Variants in CUL3 observed in about 807,000 individuals in gnomAD.
The protein encoded by CUL3 is cullin-3.
In CUL3, 19 loss-of-function variants were observed where a neutral mutation model predicts 89.1. The observed-to-expected ratio is 0.21, with a 90% confidence interval of 0.15 to 0.31. The LOEUF (loss-of-function observed/expected upper bound fraction) is 0.31, where lower values mean the gene tolerates loss of function less well. Ranked by LOEUF, CUL3 falls within the 10% of genes least tolerant of loss-of-function variation. The probability of loss-of-function intolerance (pLI) is 1.00; values close to 1 mark genes in which losing one functional copy is unlikely to be tolerated. For missense variants in CUL3, 469 were observed against 942.3 expected (o/e 0.50, Z 6.58); for synonymous variants, 351 against 308.4 (o/e 1.14, Z -1.45).
intron 6 of CUL3, among the ~76,000 whole-genome samples, chr2:224,510,682 G>A (rs1245419769): frequency 6.6e-6 from 1 of 152,086 alleles, no homozygotes; most frequent in Non-Finnish European, 1.5e-5. Context: ...TAGAGGATAT[G>A]GTTATTGTTC....
chr2:224,553,975 C>T (rs1270839919), intron 2 of CUL3, among the ~76,000 whole-genome samples: 2 of 152,162 alleles, frequency 1.3e-5, no homozygotes, highest in Admixed American at 6.5e-5. Context: ...TGACTGCTCA[C>T]GTAACTTCAA....
At chr2:224,487,684 T>A (rs1431898745) in intron 13 of CUL3, among the ~76,000 whole-genome samples, 1 of 152,138 alleles carries the variant, frequency 6.6e-6, no homozygotes, top group Non-Finnish European at 1.5e-5. Flanking sequence ...ACTGTCAATA[T>A]TAGACAGATC....
In CUL3 at chr2:224,472,391, A is replaced by G. The variant is rs1374648818; in HGVS notation, c.*1854T>C. The G allele has an allele frequency of 4.8e-6, 1 of 207,316 alleles. No homozygotes were observed. The highest frequency in any genetic ancestry group is 7.4e-5 in the East Asian group (1 of 13,486). The allele number at this position is 207,316 out of a possible 1,614,324, so 12.8% of individuals were successfully genotyped here. A position where few individuals can be genotyped will look rare whatever the true frequency, so the allele number is the denominator to read the frequency against. ...GAGCTGTCCTGTTTTCCCAGGTGTT[A>G]AATATCATTTAACTGGGAAATGAAA... is the stretch of plus-strand genomic sequence containing the variant. On this transcript the variant is annotated 3_prime_UTR_variant, in exon 16 of 16. Coordinates refer to ENST00000264414, the MANE Select transcript of CUL3 (RefSeq NM_003590.5).
chr2:224,509,237 A>G (rs1218885026), intron 6 of CUL3, among the ~76,000 whole-genome samples: 1 of 152,070 alleles, frequency 6.6e-6, no homozygotes, highest in Non-Finnish European at 1.5e-5. Context: ...TTCTTAAGAC[A>G]GGATCTCCCT....
At chr2:224,570,174 T>C (rs577098564) in intron 1 of CUL3, among the ~76,000 whole-genome samples, 2 of 152,254 alleles carry the variant, frequency 1.3e-5, no homozygotes, top group South Asian at 2.1e-4. Flanking sequence ...TACAGTCCAT[T>C]TGCAGTTAAT....
chr2:224,578,564 T>C (rs1204597693), intron 1 of CUL3, among the ~76,000 whole-genome samples: 1 of 152,140 alleles, frequency 6.6e-6, no homozygotes, highest in Non-Finnish European at 1.5e-5. Context: ...CTAAAATAAA[T>C]TCATTGCTTT....
At chr2:224,574,613 T>C (rs1024577520) in intron 1 of CUL3, among the ~76,000 whole-genome samples, 5 of 152,222 alleles carry the variant, frequency 3.3e-5, no homozygotes, top group Non-Finnish European at 5.9e-5. Flanking sequence ...TAACACTTCC[T>C]AGGCCTCCTG....
At chr2:224,541,401 C>T (rs1448282432) in intron 2 of CUL3, among the ~76,000 whole-genome samples, 1 of 152,082 alleles carries the variant, frequency 6.6e-6, no homozygotes, top group African/African-American at 2.4e-5. Flanking sequence ...CCCTACACAC[C>T]CATCAGAATG....
intron 3 of CUL3, among the ~76,000 whole-genome samples, chr2:224,530,249 A>C (rs1693645861): frequency 6.6e-6 from 1 of 152,122 alleles, no homozygotes; most frequent in Non-Finnish European, 1.5e-5. Context: ...AAAAAAACAA[A>C]ACAAAACAAA....
At chr2:224,578,870 T>C (rs567522650) in intron 1 of CUL3, among the ~76,000 whole-genome samples, 1 of 152,162 alleles carries the variant, frequency 6.6e-6, no homozygotes, top group Non-Finnish European at 1.5e-5. Flanking sequence ...AAAAAAGGCA[T>C]ACCACTTTTT....
intron 10 of CUL3, 103 bp downstream of exon 10, chr2:224,502,862 T>C (rs1329226752): frequency 1.3e-6 from 1 of 758,660 alleles, no homozygotes; most frequent in East Asian, 2.5e-5. Flanking sequence ...TTGTCACTAA[T>C]GACATTTAAA....
chr2:224,530,032 A>C (rs1693632858), intron 3 of CUL3, among the ~76,000 whole-genome samples: 1 of 152,064 alleles, frequency 6.6e-6, no homozygotes, highest in South Asian at 2.1e-4. Context: ...AGGTCAGGAG[A>C]TCGAGACCAT....
chr2:224,526,777 A>ACAAGGACAGC lies in CUL3; in HGVS notation c.378+8750_378+8751insGCTGTCCTTG, dbSNP rs1320664481. 4.0e-5 allele frequency among the ~76,000 whole-genome samples: 6 copies of ACAAGGACAGC among 151,482 alleles called. No individual in the cohort carries two copies. The East Asian group carries it at 9.7e-4, about 24-fold the overall frequency. ...TTCACAAGGCACAGCGATCAAGTTTATCATTCTCCAACCTGGGCGACAGAG... is the reference window on the plus strand; with the variant it reads ...TTCACAAGGCACAGCGATCAAGTTTACAAGGACAGCTCATTCTCCAACCTGGGCGACAGAG... On this transcript the variant is annotated intron_variant, in intron 3 of 15. Transcript: ENST00000264414.
chr2:224,504,528 T>G (rs1037714592), intron 8 of CUL3, among the ~76,000 whole-genome samples: 3 of 152,176 alleles, frequency 2.0e-5, no homozygotes, highest in Non-Finnish European at 4.4e-5. Flanking sequence ...AGGCTGGTCT[T>G]GAACTCCCAA....
At chr2:224,535,445 C>T (rs1693860572) in intron 3 of CUL3, 83 bp downstream of exon 3, 3 of 885,710 alleles carry the variant, frequency 3.4e-6, no homozygotes, top group Admixed American at 2.7e-5. Context: ...GCTGGGATTA[C>T]AGGCGTGAGC....
Position 224,495,947 on chromosome 2 carries a change from C to A in CUL3, c.1727G>T (p.Gly576Val), listed in dbSNP as rs1692154316. ...PVKKEDGSEV[G>V]VGGAQVTGSN... ...GCCAGTTACTTGTGCACCTCCAACA[C>A]CAACTTCAGATCCATCTTCCTGTTT... Residue 576 changes from glycine (G) to valine (V), a missense_variant, in exon 13 of 16, where the codon GGT (glycine) becomes GTT (valine). Coordinates refer to ENST00000264414, the MANE Select transcript of CUL3 (RefSeq NM_003590.5). The A allele has an allele frequency of 6.2e-7, 1 of 1,611,898 alleles. No individual in the cohort carries two copies. The highest frequency in any genetic ancestry group is 8.5e-7 in the Non-Finnish European group (1 of 1,179,478).
At position 224,503,010 on chromosome 2, in the gene CUL3, T is replaced by C; in HGVS notation, c.1440A>G (p.Ser480=). 6.2e-7 allele frequency: 1 copy of C among 1,612,690 alleles called. No individual in the cohort carries two copies. Among genetic ancestry groups the C allele is most frequent in the Non-Finnish European group, 8.5e-7 (1 of 1,178,668 alleles). Residue 480 remains serine (S), a synonymous_variant, in exon 10 of 16, where the codon TCA becomes TCG. Coordinates refer to ENST00000264414, the MANE Select transcript of CUL3 (RefSeq NM_003590.5). ...GCCTGAATTCATCCATCGTTGTGTT[T>C]GAGATGCTCATATCCCTAAACATTC... The part of the protein sequence containing the change: ...LEGMFRDMSI[S]NTTMDEFRQH...
chr2:224,566,341 T>C (rs919669315), intron 1 of CUL3, among the ~76,000 whole-genome samples: 2 of 152,240 alleles, frequency 1.3e-5, no homozygotes, highest in Non-Finnish European at 2.9e-5. Context: ...ATCTTTTCTC[T>C]TCAAGGCTCA....
chr2:224,500,498 C>T lies in CUL3; in HGVS notation c.1486-11G>A. 1.2e-6 allele frequency: 2 copies of T among 1,612,978 alleles called. No individual in the cohort carries two copies. Among genetic ancestry groups the T allele is most frequent in the Non-Finnish European group, 1.7e-6 (2 of 1,179,264 alleles). ...ACCACCTAAAGATACCTATGTAAAACAGAAAGAGATATTCCCCTCAAAATT... is the reference window on the plus strand; with the variant it reads ...ACCACCTAAAGATACCTATGTAAAATAGAAAGAGATATTCCCCTCAAAATT... On this transcript the variant is annotated splice_polypyrimidine_tract_variant and intron_variant, in intron 10 of 15. Coordinates refer to ENST00000264414, the MANE Select transcript of CUL3 (RefSeq NM_003590.5).
Sources: allele counts gnomAD v4.1 joint callset (sites outside exome capture counted in the v4.1 genomes callset), GRCh38; gene constraint gnomAD v4.1.1; transcripts MANE v1.5; gene names NCBI Gene and HGNC (gene_info 2026-07-23, HGNC 2026-07-21).